The following EPB41L4B variants were observed in gnomAD, a reference collection of about 807,000 sequenced individuals.
EPB41L4B encodes the protein erythrocyte membrane protein band 4.1 like 4B, also known as band 4.1-like protein 4B.
In EPB41L4B, 30 loss-of-function variants were observed where a neutral mutation model predicts 112.5. The observed-to-expected ratio is 0.27, with a 90% CI of 0.20 to 0.36. EPB41L4B has a LOEUF of 0.36. Ranked by LOEUF, EPB41L4B falls within the 10% of genes least tolerant of loss-of-function variation. The pLI is 1.00. For missense variants in EPB41L4B, 1,024 were observed against 1,133.3 expected, an observed-to-expected ratio of 0.90 and a Z score of 1.38; for synonymous variants, 408 against 439.7, an observed-to-expected ratio of 0.93 and a Z score of 0.90.
intron 1 of EPB41L4B, among the ~76,000 whole-genome samples, chr9:109,281,769 G>A (rs1234284262): frequency 1.3e-5 from 2 of 151,978 alleles, no homozygotes; most frequent in Middle Eastern, 3.4e-3. Flanking sequence ...TGTTGGAGAA[G>A]TAGAAACCCT....
At chr9:109,253,202 A>C (rs1054785248) in intron 12 of EPB41L4B, among the ~76,000 whole-genome samples, 1 of 152,198 alleles carries the variant, frequency 6.6e-6, no homozygotes, top group African/African-American at 2.4e-5. Context: ...AGGCACATGG[A>C]AAGAAATATG....
chr9:109,250,241 A>C (rs1834730959), intron 13 of EPB41L4B, among the ~76,000 whole-genome samples: 1 of 152,224 alleles, frequency 6.6e-6, no homozygotes, highest in Non-Finnish European at 1.5e-5. Flanking sequence ...GGAAGGCCTA[A>C]GTCTCCAGAG....
At position 109,257,983 on chromosome 9, in the gene EPB41L4B, G is replaced by A. The variant is rs59358458; in HGVS notation, c.752+194C>T. ...TGCACTCTGGCCTGGGCAACAGAGCGAGACTCTCTCAAAAATAAAAAGGAC... is the reference window on the plus strand; with the variant it reads ...TGCACTCTGGCCTGGGCAACAGAGCAAGACTCTCTCAAAAATAAAAAGGAC... On this transcript the variant is annotated intron_variant, in intron 7 of 25. Transcript: ENST00000374566. Among the ~76,000 whole-genome samples the A allele has an allele frequency of 6.2e-3, 946 of 152,274 alleles. 8 individuals are homozygous for A. The highest frequency in any genetic ancestry group is 0.022 in the African/African-American group (901 of 41,550).
intron 15 of EPB41L4B, among the ~76,000 whole-genome samples, chr9:109,238,187 T>C (rs1375179081): frequency 6.6e-6 from 1 of 152,206 alleles, no homozygotes; most frequent in African/African-American, 2.4e-5. Flanking sequence ...TAGCATTAGA[T>C]GACTAGCCCC....
chr9:109,245,619 G>T lies in EPB41L4B; in HGVS notation c.1345-1937C>A, dbSNP rs140427796. 1.5e-4 allele frequency among the ~76,000 whole-genome samples: 23 copies of T among 152,214 alleles called. 1 individual carries two copies. The East Asian group carries it at 2.1e-3, about 14-fold the overall frequency. On this transcript the variant is annotated intron_variant, in intron 14 of 25. Transcript: ENST00000374566. ...CTCTCCCTCCCCAAATGCCAACAGC[G>T]TCCTCATTGAGAACACAGAGATCCA...
intron 20 of EPB41L4B, among the ~76,000 whole-genome samples, chr9:109,199,282 T>C (rs752901459): frequency 6.6e-6 from 1 of 152,192 alleles, no homozygotes; most frequent in Non-Finnish European, 1.5e-5. Flanking sequence ...TGGGTTGCAA[T>C]GATCCCCGTC....
At chr9:109,219,394 T>A (rs1243429625) in intron 15 of EPB41L4B, among the ~76,000 whole-genome samples, 1 of 152,224 alleles carries the variant, frequency 6.6e-6, no homozygotes, top group Admixed American at 6.5e-5. Context: ...GGAGTCTCGC[T>A]CTGTCGCCCA....
At chr9:109,236,984 G>A (rs1259208631) in intron 15 of EPB41L4B, among the ~76,000 whole-genome samples, 1 of 152,218 alleles carries the variant, frequency 6.6e-6, no homozygotes. Flanking sequence ...ATACTGATCC[G>A]AAGGGATCAA....
intron 15 of EPB41L4B, among the ~76,000 whole-genome samples, chr9:109,236,782 T>C (rs953470649): frequency 1.3e-5 from 2 of 152,248 alleles, no homozygotes; most frequent in Non-Finnish European, 2.9e-5. Context: ...CCATTTCTCA[T>C]GTGCAAGGGA....
At position 109,320,767 on chromosome 9, in the gene EPB41L4B, G is replaced by A. The variant is rs1837845188; in HGVS notation, c.-321C>T. 1 of 144,902 alleles carries A rather than the reference G, an allele frequency of 6.9e-6. No homozygotes were observed. Among genetic ancestry groups the A allele is most frequent in the Non-Finnish European group, 1.5e-5 (1 of 65,366 alleles). 9.0% of individuals were successfully genotyped at this position (144,902 alleles called of 1,614,324 possible). Reference sequence around the variant, plus strand: ...CGCGGGCTGCCGAGGGGCTGCTCCGGACGGGCGGCTGCGGGCTGCCAGGGG... The same window carrying A: ...CGCGGGCTGCCGAGGGGCTGCTCCGAACGGGCGGCTGCGGGCTGCCAGGGG... On this transcript the variant is annotated 5_prime_UTR_variant, in exon 1 of 26. Coordinates refer to ENST00000374566, the MANE Select transcript of EPB41L4B (RefSeq NM_019114.5).
At chr9:109,221,082 C>T (rs549778162) in intron 15 of EPB41L4B, among the ~76,000 whole-genome samples, 1 of 152,306 alleles carries the variant, frequency 6.6e-6, no homozygotes, top group African/African-American at 2.4e-5. Context: ...GAGAATCATC[C>T]TTTCCCCCAA....
chr9:109,260,210 T>C (rs984349207), intron 6 of EPB41L4B, among the ~76,000 whole-genome samples: 2 of 151,928 alleles, frequency 1.3e-5, no homozygotes, highest in African/African-American at 4.8e-5. Context: ...GCTGGGATTA[T>C]AGGTATGCGC....
intron 4 of EPB41L4B, among the ~76,000 whole-genome samples, chr9:109,265,758 T>C (rs1395117078): frequency 1.3e-5 from 2 of 152,230 alleles, no homozygotes; most frequent in Non-Finnish European, 2.9e-5. Context: ...CCACTCACAA[T>C]GCTTTGTAAA....
At chr9:109,276,789 T>C (rs1330087738) in intron 2 of EPB41L4B, among the ~76,000 whole-genome samples, 2 of 152,192 alleles carry the variant, frequency 1.3e-5, no homozygotes, top group East Asian at 3.9e-4. Context: ...GAGTGGCTAA[T>C]GAGGGGTCAC....
intron 22 of EPB41L4B, among the ~76,000 whole-genome samples, chr9:109,188,866 G>A (rs1167035831): frequency 6.6e-6 from 1 of 152,148 alleles, no homozygotes; most frequent in Non-Finnish European, 1.5e-5. Context: ...AGAGAGGGAC[G>A]AGCCCCAAAG....
intron 5 of EPB41L4B, among the ~76,000 whole-genome samples, chr9:109,263,379 G>A (rs1835286650): frequency 6.6e-6 from 1 of 152,162 alleles, no homozygotes; most frequent in African/African-American, 2.4e-5. Flanking sequence ...GAAAAGTTTG[G>A]AAAACAGAAT....
In EPB41L4B at chr9:109,320,453, T is replaced by G; in HGVS notation, c.-7A>C. ...GGCGCAGGAACCGCAGCATCCTGGC[T>G]GGGGGCGCCCCCTGCCTCCGCCCCC... On this transcript the variant is annotated 5_prime_UTR_variant, in exon 1 of 26. Transcript: ENST00000374566. 2 of 986,858 alleles carry G rather than the reference T, an allele frequency of 2.0e-6. No homozygotes were observed. Among genetic ancestry groups the G allele is most frequent in the Non-Finnish European group, 2.4e-6 (2 of 833,150 alleles). 61.1% of individuals were successfully genotyped at this position (986,858 alleles called of 1,614,324 possible). A position where few individuals can be genotyped will look rare whatever the true frequency, so the allele number is the denominator to read the frequency against.
At chr9:109,245,529 T>C (rs1365835662) in intron 14 of EPB41L4B, among the ~76,000 whole-genome samples, 2 of 152,162 alleles carry the variant, frequency 1.3e-5, no homozygotes, top group African/African-American at 2.4e-5. Flanking sequence ...TTGCTTGTCA[T>C]AGTAAGAGAG....
intron 24 of EPB41L4B, 143 bp downstream of exon 24, chr9:109,182,586 C>T: frequency 3.0e-6 from 2 of 677,724 alleles, no homozygotes; most frequent in South Asian, 1.8e-5. Flanking sequence ...AGGCAGACTG[C>T]AAATCCAAGT....
Sources: allele counts gnomAD v4.1 joint callset (sites outside exome capture counted in the v4.1 genomes callset), GRCh38; gene constraint gnomAD v4.1.1; transcripts MANE v1.5; gene names NCBI Gene and HGNC (gene_info 2026-07-23, HGNC 2026-07-21).